Variants in VPS50 observed in about 807,000 individuals in gnomAD.
VPS50 encodes the protein VPS50 subunit of EARP/GARPII complex, also known as syndetin.
A neutral mutation model predicts 139.7 loss-of-function variants in VPS50; 70 were observed. That is an observed-to-expected ratio of 0.50 (90% CI 0.41 to 0.61). The LOEUF (loss-of-function observed/expected upper bound fraction) is 0.61. VPS50 is among the 20% of genes least tolerant of loss of function. VPS50 has a pLI of 0.00. For synonymous variants in VPS50, 365 were observed against 376.7 expected (o/e 0.97, Z 0.36); for missense variants, 921 against 1,133.7 (o/e 0.81, Z 2.69).
chr7:93,305,842 G>A lies in VPS50; in HGVS notation c.1467G>A (p.Met489Ile). ...TTAACATCTAGGAATTTAAATTCAT[G>A]GAACAGTCTCGCTCCCCATCAGTTT... The part of the protein sequence containing the change: ...SILQLHEFKF[M>I]EQSRSPSVSP... The change falls in exon 18 of 28, where the codon ATG becomes ATA. Residue 489 changes from methionine (M) to isoleucine (I), a missense_variant. By Grantham distance (10) the Met-to-Ile change is conservative (BLOSUM62 1). Around this residue, in one of 3 missense-constraint regions of VPS50, gnomAD observed 744 missense variants for 930.6 expected, o/e 0.80. Transcript: ENST00000305866. 1 of 1,612,000 alleles carries A rather than the reference G, an allele frequency of 6.2e-7. No individual in the cohort carries two copies. The highest frequency in any genetic ancestry group is 8.5e-7 in the Non-Finnish European group (1 of 1,178,450).
intron 4 of VPS50, among the ~76,000 whole-genome samples, chr7:93,254,620 G>C (rs1039486528): frequency 6.6e-6 from 1 of 152,134 alleles, no homozygotes; most frequent in Non-Finnish European, 1.5e-5. Context: ...CAGAAAGTCT[G>C]AATTGTAGTC....
At chr7:93,297,763 TG>T (rs1214840203) in intron 16 of VPS50, among the ~76,000 whole-genome samples, 1 of 152,120 alleles carries the variant, frequency 6.6e-6, no homozygotes, top group Non-Finnish European at 1.5e-5. Context: ...AGGAATGGTT[TG>T]GGTAGTGGAG....
intron 16 of VPS50, 24 bp from the exon 17 acceptor site, chr7:93,303,436 G>T: frequency 2.8e-6 from 3 of 1,090,710 alleles, no homozygotes; most frequent in Middle Eastern, 2.1e-4. Context: ...TCACTTTTTG[G>T]AGTGTTCATT....
chr7:93,232,372 AC>A lies in VPS50; in HGVS notation c.-93del. 4 of 1,032,958 alleles carry A rather than the reference AC, an allele frequency of 3.9e-6. No individual in the cohort carries two copies. The highest frequency in any genetic ancestry group is 3.0e-6 in the Non-Finnish European group (2 of 656,290). 64.0% of individuals were successfully genotyped at this position (1,032,958 alleles called of 1,614,324 possible). A position where few individuals can be genotyped will look rare whatever the true frequency, so the allele number is the denominator to read the frequency against. ...CCTGGGTCGGCTCCTCCACGTGACC[AC>A]CCACTATGGCTTCCTAGTGTCAGGG... is the stretch of plus-strand genomic sequence containing the variant. On this transcript the variant is annotated 5_prime_UTR_variant, in exon 1 of 28. Coordinates refer to ENST00000305866, the MANE Select transcript of VPS50 (RefSeq NM_017667.4).
chr7:93,321,112 T>C (rs1259987972), intron 20 of VPS50: 1 of 152,228 alleles, frequency 6.6e-6, no homozygotes, highest in East Asian at 1.9e-4. Context: ...TACAGTGGCA[T>C]AGTTGAGCAG....
chr7:93,321,102 T>C (rs1220685050), intron 20 of VPS50: 2 of 152,248 alleles, frequency 1.3e-5, no homozygotes, highest in Non-Finnish European at 2.9e-5. Flanking sequence ...GCTTTTGTGC[T>C]ACAGTGGCAT....
At chr7:93,317,032 A>G (rs1232114286) in intron 20 of VPS50, among the ~76,000 whole-genome samples, 1 of 152,194 alleles carries the variant, frequency 6.6e-6, no homozygotes. Context: ...GATACACTGG[A>G]AGGGCAAACA....
In VPS50 at chr7:93,240,217, G is replaced by GCACACACACA. The variant is rs371902647; in HGVS notation, c.102+307_102+316dup. On this transcript the variant is annotated intron_variant, in intron 2 of 27. Coordinates refer to ENST00000305866, the MANE Select transcript of VPS50 (RefSeq NM_017667.4). Reference sequence around the variant, plus strand: ...TGAAAGCAGTTGTATATATGTGTATGCACACACACACACACACACACACAC... The same window carrying GCACACACACA: ...TGAAAGCAGTTGTATATATGTGTATGCACACACACACACACACACACACACACACACACAC... 6.7e-3 allele frequency among the ~76,000 whole-genome samples: 958 copies of GCACACACACA among 142,288 alleles called. 8 individuals are homozygous for GCACACACACA. The highest frequency in any genetic ancestry group is 0.025 in the East Asian group (117 of 4,684). 93.3% of individuals were successfully genotyped at this position (142,288 alleles called of 152,430 possible). A position where few individuals can be genotyped will look rare whatever the true frequency, so the allele number is the denominator to read the frequency against.
chr7:93,251,742 T>G (rs1454408864), intron 2 of VPS50, among the ~76,000 whole-genome samples: 1 of 152,166 alleles, frequency 6.6e-6, no homozygotes, highest in East Asian at 1.9e-4. Context: ...GTATTTTTAT[T>G]GTGTTATTTT....
chr7:93,252,568 T>C (rs1795365800), intron 2 of VPS50, 85 bp from the exon 3 acceptor site: 1 of 922,180 alleles, frequency 1.1e-6, no homozygotes, highest in Non-Finnish European at 1.7e-6. Flanking sequence ...TAGATGTGAC[T>C]GTTAAGACAA....
At chr7:93,357,179 T>C (rs1344839854) in intron 27 of VPS50, among the ~76,000 whole-genome samples, 1 of 152,052 alleles carries the variant, frequency 6.6e-6, no homozygotes, top group Non-Finnish European at 1.5e-5. Flanking sequence ...CACTTCTGGG[T>C]TGGTACTGAG....
At chr7:93,330,322 TAG>T (rs1411536263) in intron 21 of VPS50, among the ~76,000 whole-genome samples, 1 of 151,910 alleles carries the variant, frequency 6.6e-6, no homozygotes, top group African/African-American at 2.4e-5. Context: ...GGAGGGAAAA[TAG>T]AGAGAAAATA....
intron 21 of VPS50, among the ~76,000 whole-genome samples, chr7:93,326,759 A>T (rs1314137704): frequency 6.6e-6 from 1 of 152,062 alleles, no homozygotes; most frequent in Non-Finnish European, 1.5e-5. Flanking sequence ...ATTGAGTCCT[A>T]TGAATATAAT....
At chr7:93,271,389 T>A (rs1796005872) in intron 10 of VPS50, 127 bp downstream of exon 10, 10 of 1,308,008 alleles carry the variant, frequency 7.6e-6, no homozygotes, top group Non-Finnish European at 9.8e-6. Context: ...TATTTCTTGA[T>A]TTTCATTTGG....
At chr7:93,278,123 C>G (rs1297350066) in intron 12 of VPS50, among the ~76,000 whole-genome samples, 1 of 151,854 alleles carries the variant, frequency 6.6e-6, no homozygotes, top group Non-Finnish European at 1.5e-5. Flanking sequence ...TTTTATTGAC[C>G]ATTTTTATAT....
At chr7:93,243,983 A>G (rs535541437) in intron 2 of VPS50, among the ~76,000 whole-genome samples, 1 of 151,698 alleles carries the variant, frequency 6.6e-6, no homozygotes, top group Non-Finnish European at 1.5e-5. Context: ...CTTTAATGAT[A>G]AGGGGGTTTT....
intron 2 of VPS50, among the ~76,000 whole-genome samples, chr7:93,242,801 A>G (rs1236027535): frequency 6.6e-6 from 1 of 151,930 alleles, no homozygotes; most frequent in Non-Finnish European, 1.5e-5. Context: ...GAAATAGGTT[A>G]GTTTGGGTTC....
Position 93,349,968 on chromosome 7 carries a change from A to C in VPS50, c.2398A>C (p.Asn800His), listed in dbSNP as rs1239008667. ...DYEQMLLLMA[N>H]VKWDVKEIMS... ...TGAACAGATGCTGCTTCTCATGGCTAATGTGAAATGGGATGTAAAAGAAAT... is the reference window on the plus strand; with the variant it reads ...TGAACAGATGCTGCTTCTCATGGCTCATGTGAAATGGGATGTAAAAGAAAT... Residue 800 changes from asparagine (N) to histidine (H), a missense_variant, in exon 25 of 28, where the codon AAT becomes CAT. Asn to His is a moderately conservative substitution (Grantham distance 68). Transcript: ENST00000305866. 2.5e-6 allele frequency: 4 copies of C among 1,611,900 alleles called. No homozygotes were observed. The East Asian group carries it at 6.7e-5, about 27-fold the overall frequency.
chr7:93,341,648 G>A, intron 23 of VPS50, 73 bp downstream of exon 23: 1 of 997,742 alleles, frequency 1.0e-6, no homozygotes, highest in Non-Finnish European at 1.5e-6. Flanking sequence ...TGTTTAATTA[G>A]ACTTCTAGTT....
Sources: gnomAD v4.1 joint callset for allele counts (sites outside exome capture counted in the v4.1 genomes callset) on GRCh38, gnomAD v4.1.1 for gene constraint, gnomAD v4.1.1 regional missense constraint, MANE v1.5 for transcripts, NCBI Gene and HGNC (gene_info 2026-07-23, HGNC 2026-07-21) for gene names.